The following KATNBL1 variants were observed in gnomAD, a reference collection of about 807,000 sequenced individuals.
KATNBL1 encodes katanin regulatory subunit B1 like 1.
A neutral mutation model predicts 44.7 loss-of-function variants in KATNBL1; 28 were observed. The observed-to-expected ratio is 0.63, with a 90% CI of 0.46 to 0.86. The LOEUF is 0.86. KATNBL1 is among the 40% of genes least tolerant of loss of function. The pLI, the probability that KATNBL1 is intolerant of heterozygous loss-of-function variation, is 0.00. For missense variants in KATNBL1, 272 were observed against 350.7 expected (o/e 0.78, Z 1.79); for synonymous variants, 78 against 114.9 (o/e 0.68, Z 2.06).
At chr15:34,171,456 G>A (rs368573930) in intron 1 of KATNBL1, among the ~76,000 whole-genome samples, 1 of 152,180 alleles carries the variant, frequency 6.6e-6, no homozygotes, top group East Asian at 1.9e-4. Flanking sequence ...GAGAGGATGT[G>A]GAGAAACAAG....
At chr15:34,152,007 C>T (rs142170060) in intron 4 of KATNBL1, among the ~76,000 whole-genome samples, 21 of 148,498 alleles carry the variant, frequency 1.4e-4, no homozygotes, top group African/African-American at 5.0e-4. Context: ...ATGGAATGAT[C>T]GCGGCTCACT....
intron 1 of KATNBL1, among the ~76,000 whole-genome samples, chr15:34,190,076 C>CT (rs1341442834): frequency 6.6e-6 from 1 of 151,992 alleles, no homozygotes; most frequent in Non-Finnish European, 1.5e-5. Flanking sequence ...TCCTGAGTAG[C>CT]TGGGACTACA....
At chr15:34,148,795 G>T in intron 4 of KATNBL1, 45 bp from the exon 5 acceptor site, 1 of 1,047,436 alleles carries the variant, frequency 9.5e-7, no homozygotes, top group South Asian at 1.3e-5. Context: ...ACTGAAACAG[G>T]GTATGAAACT....
chr15:34,170,072 T>C (rs1049538355), intron 1 of KATNBL1, among the ~76,000 whole-genome samples: 4 of 152,158 alleles, frequency 2.6e-5, no homozygotes, highest in Non-Finnish European at 4.4e-5. Context: ...CAACACAGTG[T>C]TGGAAGTTCT....
chr15:34,206,118 C>G (rs1001142334), intron 1 of KATNBL1, among the ~76,000 whole-genome samples: 6 of 152,164 alleles, frequency 3.9e-5, no homozygotes, highest in African/African-American at 1.4e-4. Flanking sequence ...ACAGGCTTAG[C>G]GTTGCGACTT....
chr15:34,207,818 C>T (rs73384013), intron 1 of KATNBL1, among the ~76,000 whole-genome samples: 1,777 of 152,062 alleles, frequency 0.012, 39 homozygotes, highest in African/African-American at 0.041. Flanking sequence ...GCCTAGGCTG[C>T]TCTCGAACTC....
intron 1 of KATNBL1, among the ~76,000 whole-genome samples, chr15:34,204,960 G>A (rs1360099929): frequency 6.6e-6 from 1 of 150,758 alleles, no homozygotes; most frequent in African/African-American, 2.4e-5. Flanking sequence ...TTATATGGCA[G>A]TTGTGGAACA....
At chr15:34,182,327 G>A (rs990147919) in intron 1 of KATNBL1, among the ~76,000 whole-genome samples, 6 of 152,094 alleles carry the variant, frequency 3.9e-5, no homozygotes, top group South Asian at 2.1e-4. Context: ...GAGATTACAC[G>A]TAAGTTATTA....
chr15:34,203,076 G>A (rs6495609), intron 1 of KATNBL1, among the ~76,000 whole-genome samples: 152,198 of 152,318 alleles, frequency 1, 76,039 homozygotes, highest in Middle Eastern at 1. Flanking sequence ...CTACTAGCCA[G>A]CTCCACATGG....
chr15:34,207,672 C>T (rs761374013), intron 1 of KATNBL1, among the ~76,000 whole-genome samples: 1 of 152,070 alleles, frequency 6.6e-6, no homozygotes, highest in Non-Finnish European at 1.5e-5. Context: ...ACAATCTCGG[C>T]TCACTGTAGC....
intron 1 of KATNBL1, among the ~76,000 whole-genome samples, chr15:34,193,673 G>A (rs772888722): frequency 4.0e-5 from 6 of 151,092 alleles, no homozygotes; most frequent in Non-Finnish European, 8.9e-5. Context: ...GCAACGTGGT[G>A]AAACCCTGTC....
At chr15:34,165,526 G>A (rs1258308081) in intron 1 of KATNBL1, among the ~76,000 whole-genome samples, 1 of 152,206 alleles carries the variant, frequency 6.6e-6, no homozygotes, top group Non-Finnish European at 1.5e-5. Flanking sequence ...ATCAGGTGTG[G>A]TGGCTCATGC....
chr15:34,160,848 C>T (rs1484113304), intron 2 of KATNBL1, among the ~76,000 whole-genome samples: 1 of 152,034 alleles, frequency 6.6e-6, no homozygotes, highest in African/African-American at 2.4e-5. Flanking sequence ...TTTTTGCCTT[C>T]CCGACTACTG....
intron 1 of KATNBL1, among the ~76,000 whole-genome samples, chr15:34,174,153 A>C (rs1464889661): frequency 6.6e-6 from 1 of 152,238 alleles, no homozygotes; most frequent in Admixed American, 6.5e-5. Context: ...ATACAGGTAA[A>C]GAAACTAAGA....
rs1468463827 is a variant in KATNBL1, at chr15:34,193,233, AAAC to A, written c.-15+16715_-15+16717del. 3.0e-3 allele frequency among the ~76,000 whole-genome samples: 411 copies of A among 135,496 alleles called. 41 individuals carry two copies. The highest frequency in any genetic ancestry group is 0.011 in the African/African-American group (385 of 35,052). 88.9% of individuals were successfully genotyped at this position (135,496 alleles called of 152,430 possible). A position where few individuals can be genotyped will look rare whatever the true frequency, so the allele number is the denominator to read the frequency against. On this transcript the variant is annotated intron_variant, in intron 1 of 9. Transcript: ENST00000256544. ...CTCCGTCTCAAAAAAAAAAAAAAAA[AAAC>A]AAAAAAAAAACTTAAGGCCAGATGC...
chr15:34,174,465 T>C (rs1567528536), intron 1 of KATNBL1, among the ~76,000 whole-genome samples: 2 of 152,158 alleles, frequency 1.3e-5, no homozygotes, highest in Non-Finnish European at 2.9e-5. Flanking sequence ...CTGATAGACT[T>C]AAGCTCTGAC....
At chr15:34,188,720 G>A (rs1003458660) in intron 1 of KATNBL1, among the ~76,000 whole-genome samples, 6 of 152,174 alleles carry the variant, frequency 3.9e-5, no homozygotes, top group Admixed American at 2.0e-4. Context: ...TCTTATGAAC[G>A]CATCAGCCTT....
At chr15:34,190,239 C>T (rs773346820) in intron 1 of KATNBL1, among the ~76,000 whole-genome samples, 2 of 152,078 alleles carry the variant, frequency 1.3e-5, no homozygotes, top group South Asian at 2.1e-4. Context: ...CCACCGCGCC[C>T]GGCCTGGAAG....
intron 1 of KATNBL1, among the ~76,000 whole-genome samples, chr15:34,194,085 G>A (rs948625180): frequency 6.6e-6 from 1 of 151,966 alleles, no homozygotes; most frequent in Non-Finnish European, 1.5e-5. Context: ...GGGACTACAG[G>A]TGCACGCCAC....
Sources: allele counts gnomAD v4.1 joint callset (sites outside exome capture counted in the v4.1 genomes callset), GRCh38; gene constraint gnomAD v4.1.1; transcripts MANE v1.5; gene names NCBI Gene and HGNC (gene_info 2026-07-23, HGNC 2026-07-21).